CHRM3: variants seen among roughly 807,000 people sequenced by gnomAD.
CHRM3 encodes cholinergic receptor muscarinic 3, also known as muscarinic acetylcholine receptor M3.
Under a neutral mutation model 41.8 loss-of-function variants are expected in CHRM3, and 11 were observed. The ratio of observed to expected loss-of-function variants is 0.26; its 90% CI spans 0.17 to 0.44. The LOEUF is 0.44. Ranked by LOEUF, CHRM3 falls within the 20% of genes least tolerant of loss-of-function variation. The pLI, the probability that CHRM3 is intolerant of heterozygous loss-of-function variation, is 1.00. For missense variants in CHRM3, 571 were observed against 745.4 expected (o/e 0.77, Z 2.72); for synonymous variants, 297 against 301.4 (o/e 0.99, Z 0.15).
intron 1 of CHRM3, among the ~76,000 whole-genome samples, chr1:239,473,194 G>A (rs61834724): frequency 0.21 from 31,897 of 149,292 alleles, 3,907 homozygotes; most frequent in Middle Eastern, 0.37. Flanking sequence ...TATGAACTCA[G>A]GGAAAGGAAG....
intron 6 of CHRM3, among the ~76,000 whole-genome samples, chr1:239,837,695 C>T (rs1279571096): frequency 6.6e-6 from 1 of 152,162 alleles, no homozygotes; most frequent in African/African-American, 2.4e-5. Flanking sequence ...CATTATGAGA[C>T]ATTTCTCCTT....
chr1:239,777,605 T>G (rs1207980837), intron 5 of CHRM3, among the ~76,000 whole-genome samples: 2 of 151,938 alleles, frequency 1.3e-5, no homozygotes, highest in Non-Finnish European at 2.9e-5. Flanking sequence ...GAATTTGAGG[T>G]GGGGGGTGCA....
At chr1:239,489,860 T>C (rs755941902) in intron 1 of CHRM3, among the ~76,000 whole-genome samples, 1 of 152,178 alleles carries the variant, frequency 6.6e-6, no homozygotes, top group Non-Finnish European at 1.5e-5. Context: ...TGTTTCTGGA[T>C]AGGCATATGG....
At chr1:239,807,364 C>A (rs755077464) in intron 5 of CHRM3, among the ~76,000 whole-genome samples, 26 of 152,104 alleles carry the variant, frequency 1.7e-4, no homozygotes, top group Non-Finnish European at 3.5e-4. Context: ...GAAAAAGTCA[C>A]CTTGTTTAAA....
chr1:239,562,997 C>A (rs1351698022), intron 3 of CHRM3, among the ~76,000 whole-genome samples: 1 of 151,270 alleles, frequency 6.6e-6, no homozygotes, highest in Non-Finnish European at 1.5e-5. Context: ...TGAAATTCAT[C>A]ACGTATATAG....
In CHRM3 at chr1:239,416,230, A is replaced by G. The variant is rs992954590; in HGVS notation, c.-521+29003A>G. Among the ~76,000 whole-genome samples, 7 of 152,272 alleles carry G rather than the reference A, an allele frequency of 4.6e-5. No individual in the cohort carries two copies. In the South Asian group the frequency reaches 8.3e-4, roughly 18 times the overall value. ...GGACTACTTTTTATCAGGTTTGATC[A>G]CTGATTTTCTCCTAACGTTTAGATT... is the stretch of plus-strand genomic sequence containing the variant. On this transcript the variant is annotated intron_variant, in intron 1 of 6. Transcript: ENST00000676153.
At chr1:239,482,684 A>G (rs768161185) in intron 1 of CHRM3, among the ~76,000 whole-genome samples, 3 of 152,096 alleles carry the variant, frequency 2.0e-5, no homozygotes, top group Non-Finnish European at 4.4e-5. Flanking sequence ...CTGAATTGCA[A>G]TGGCTGGTTT....
intron 3 of CHRM3, among the ~76,000 whole-genome samples, chr1:239,557,284 C>T (rs1660451563): frequency 6.6e-6 from 1 of 152,154 alleles, no homozygotes; most frequent in Non-Finnish European, 1.5e-5. Context: ...TTTGCCTTGC[C>T]ATGACTACTA....
At chr1:239,677,031 C>T (rs1277167491) in intron 4 of CHRM3, among the ~76,000 whole-genome samples, 1 of 152,132 alleles carries the variant, frequency 6.6e-6, no homozygotes, top group African/African-American at 2.4e-5. Flanking sequence ...TTTCTCCTCC[C>T]TCCCCATCCC....
chr1:239,730,377 T>C (rs937132054), intron 5 of CHRM3: 2 of 151,860 alleles, frequency 1.3e-5, no homozygotes, highest in African/African-American at 2.4e-5. Flanking sequence ...ATAGAGGAGG[T>C]AGAACAAGCA....
chr1:239,734,234 G>T (rs537159874), intron 5 of CHRM3, among the ~76,000 whole-genome samples: 1 of 152,192 alleles, frequency 6.6e-6, no homozygotes, highest in African/African-American at 2.4e-5. Context: ...CAGGTCTGGG[G>T]CAGGAAATGT....
chr1:239,543,759 C>T (rs188606140), intron 2 of CHRM3, among the ~76,000 whole-genome samples: 1,614 of 152,166 alleles, frequency 0.011, 20 homozygotes, highest in African/African-American at 0.037. Context: ...CCGCCCACCT[C>T]GGCCTCCCAA....
intron 2 of CHRM3, among the ~76,000 whole-genome samples, chr1:239,506,512 G>A (rs1250972263): frequency 1.3e-5 from 2 of 152,180 alleles, no homozygotes; most frequent in Non-Finnish European, 2.9e-5. Flanking sequence ...TTCTGCCTAG[G>A]GTTCAGAGAA....
chr1:239,589,173 A>G (rs1663783409), intron 3 of CHRM3, among the ~76,000 whole-genome samples: 1 of 152,006 alleles, frequency 6.6e-6, no homozygotes, highest in South Asian at 2.1e-4. Flanking sequence ...ACCTCAAGTG[A>G]TCCGCCCTCC....
chr1:239,485,265 T>C (rs556029680), intron 1 of CHRM3, among the ~76,000 whole-genome samples: 15 of 152,274 alleles, frequency 9.9e-5, no homozygotes, highest in African/African-American at 3.1e-4. Flanking sequence ...ATTGTCAGCA[T>C]CACACATGAA....
chr1:239,848,458 T>C (rs1407480249), intron 6 of CHRM3, among the ~76,000 whole-genome samples: 2 of 152,148 alleles, frequency 1.3e-5, no homozygotes, highest in Non-Finnish European at 2.9e-5. Flanking sequence ...CCAAAAATTT[T>C]TAGAAAACTG....
At chr1:239,847,094 T>C (rs1674327227) in intron 6 of CHRM3, among the ~76,000 whole-genome samples, 2 of 152,130 alleles carry the variant, frequency 1.3e-5, no homozygotes, top group Admixed American at 6.5e-5. Context: ...CACATTGTTA[T>C]CATCTAATAT....
intron 3 of CHRM3, among the ~76,000 whole-genome samples, chr1:239,609,115 T>A (rs1173366478): frequency 6.6e-6 from 1 of 152,244 alleles, no homozygotes; most frequent in African/African-American, 2.4e-5. Flanking sequence ...TTGTCATGTC[T>A]TTGCAATCCT....
chr1:239,686,473 G>A (rs1404100165), intron 5 of CHRM3, among the ~76,000 whole-genome samples: 1 of 152,172 alleles, frequency 6.6e-6, no homozygotes, highest in East Asian at 1.9e-4. Context: ...CCTGTTCAGT[G>A]ATGCCTATCC....
Sources: allele counts gnomAD v4.1 joint callset (sites outside exome capture counted in the v4.1 genomes callset), GRCh38; gene constraint gnomAD v4.1.1; transcripts MANE v1.5; gene names NCBI Gene and HGNC (gene_info 2026-07-23, HGNC 2026-07-21).